CA2: variants seen among roughly 807,000 people sequenced by gnomAD.
CA2 encodes the protein carbonate dehydratase II.
In CA2, 23 loss-of-function variants were observed where a neutral mutation model predicts 27.8. The ratio of observed to expected loss-of-function variants is 0.83; its 90% CI spans 0.59 to 1.17. CA2 has a LOEUF of 1.17. Ranked by LOEUF, CA2 falls within the 50% of genes most tolerant of loss-of-function variation. CA2 has a pLI of 0.00. For synonymous variants in CA2, 99 were observed against 114.9 expected, an observed-to-expected ratio of 0.86 and a Z score of 0.88; for missense variants, 300 against 314.7, an observed-to-expected ratio of 0.95 and a Z score of 0.35.
At chr8:85,464,150 C>A in intron 1 of CA2, 35 bp downstream of exon 1, 2 of 1,245,092 alleles carry the variant, frequency 1.6e-6, no homozygotes, top group Non-Finnish European at 2.2e-6. Context: ...GGGGGCGCCC[C>A]GATCCCCGAT....
intron 2 of CA2, among the ~76,000 whole-genome samples, chr8:85,472,917 G>T (rs1230318104): frequency 6.6e-6 from 1 of 151,418 alleles, no homozygotes; most frequent in East Asian, 1.9e-4. Flanking sequence ...CTTGAACTCT[G>T]CTTGAGGCGG....
At position 85,464,167 on chromosome 8, in the gene CA2, T is replaced by G. The variant is rs2291606; in HGVS notation, c.34+52T>G. On this transcript the variant is annotated intron_variant, in intron 1 of 6. Transcript: ENST00000285379. The stretch of plus-strand genomic sequence containing the variant: ...GGGCGCCCCGATCCCCGATCCCCGA[T>G]CCCCGATCCCCGAGCCCGGATGCCG... 1.0e-4 allele frequency: 150 copies of G among 1,475,386 alleles called. No homozygotes were observed. In the East Asian group the frequency reaches 2.0e-3, roughly 20 times the overall value. 91.4% of individuals were successfully genotyped at this position (1,475,386 alleles called of 1,614,324 possible).
At chr8:85,476,564 A>C (rs1358194525) in intron 5 of CA2, among the ~76,000 whole-genome samples, 1 of 152,118 alleles carries the variant, frequency 6.6e-6, no homozygotes, top group Non-Finnish European at 1.5e-5. Context: ...TTTTTCACCT[A>C]CCCCAAACTA....
chr8:85,480,826 C>G lies in CA2; in HGVS notation c.*37C>G. The G allele has an allele frequency of 1.9e-6, 3 of 1,610,770 alleles. No individual in the cohort carries two copies. Among genetic ancestry groups the G allele is most frequent in the Non-Finnish European group, 2.5e-6 (3 of 1,177,582 alleles). ...AGTCTGTATCCAAATAATGAATCTT[C>G]GGGTGTTTCCCTTTAGCTAAGCACA... On this transcript the variant is annotated 3_prime_UTR_variant, in exon 7 of 7. Coordinates refer to ENST00000285379, the MANE Select transcript of CA2 (RefSeq NM_000067.3).
At chr8:85,475,721 G>C in intron 4 of CA2, 77 bp from the exon 5 acceptor site, 1 of 1,310,168 alleles carries the variant, frequency 7.6e-7, no homozygotes, top group Non-Finnish European at 1.1e-6. Flanking sequence ...TTTTCTAATA[G>C]AGCTACCCAA....
Position 85,473,721 on chromosome 8 carries a change from T to G in CA2, c.261T>G (p.Thr87=). ...AVLKGGPLDG[T]YRLIQFHFHW... is the part of the protein sequence containing the mutation. ...TCAAGGGAGGACCCCTGGATGGCAC[T>G]TACAGATTGATTCAGTTTCACTTTC... The change falls in exon 3 of 7, where the codon ACT becomes ACG. Residue 87 remains threonine (T), a synonymous_variant. Transcript: ENST00000285379. 1 of 1,609,904 alleles carries G rather than the reference T, an allele frequency of 6.2e-7. No individual in the cohort carries two copies. The highest frequency in any genetic ancestry group is 8.5e-7 in the Non-Finnish European group (1 of 1,176,174).
At chr8:85,477,474 G>A (rs576446510) in intron 6 of CA2, among the ~76,000 whole-genome samples, 199 bp downstream of exon 6, 9 of 151,152 alleles carry the variant, frequency 6.0e-5, no homozygotes, top group African/African-American at 1.5e-4. Flanking sequence ...AACTTAGTTC[G>A]TTTAGTCTCT....
chr8:85,471,197 C>A (rs533231940), intron 2 of CA2, among the ~76,000 whole-genome samples: 19 of 152,166 alleles, frequency 1.2e-4, no homozygotes, highest in African/African-American at 4.6e-4. Flanking sequence ...AAACTCCATG[C>A]TAAGAGTTTG....
chr8:85,481,442 C>T lies in CA2; in HGVS notation c.*653C>T, dbSNP rs1188479406. ...TTTCCATTCAGACAATATATCATAA[C>T]TTAATAAATATTGTATTTTAGATAT... is the stretch of plus-strand genomic sequence containing the variant. On this transcript the variant is annotated 3_prime_UTR_variant, in exon 7 of 7. Coordinates refer to ENST00000285379, the MANE Select transcript of CA2 (RefSeq NM_000067.3). The T allele has an allele frequency of 2.6e-5, 4 of 152,112 alleles. No individual in the cohort carries two copies. Among genetic ancestry groups the T allele is most frequent in the African/African-American group, 9.7e-5 (4 of 41,384 alleles). 9.4% of individuals were successfully genotyped at this position (152,112 alleles called of 1,614,324 possible).
At chr8:85,470,701 T>A (rs2130552902) in intron 2 of CA2, among the ~76,000 whole-genome samples, 1 of 152,272 alleles carries the variant, frequency 6.6e-6, no homozygotes, top group Admixed American at 6.5e-5. Flanking sequence ...TATAACATTA[T>A]ACTTAGTGCT....
At chr8:85,468,378 A>G (rs1222976521) in intron 2 of CA2, among the ~76,000 whole-genome samples, 2 of 152,248 alleles carry the variant, frequency 1.3e-5, no homozygotes, top group Non-Finnish European at 2.9e-5. Flanking sequence ...CCACATTTTC[A>G]GTTACTTTGG....
At chr8:85,465,196 G>T (rs1016260263) in intron 1 of CA2, 76 bp from the exon 2 acceptor site, 1 of 1,239,418 alleles carries the variant, frequency 8.1e-7, no homozygotes, top group East Asian at 2.3e-5. Flanking sequence ...ATTGGCTCCG[G>T]AATGATTGCT....
At chr8:85,466,127 T>TAA (rs10573662) in intron 2 of CA2, among the ~76,000 whole-genome samples, 2 of 135,624 alleles carry the variant, frequency 1.5e-5, no homozygotes, top group Non-Finnish European at 3.1e-5. Flanking sequence ...ATGCTCACTG[T>TAA]AAAAAAAAAA....
intron 6 of CA2, among the ~76,000 whole-genome samples, chr8:85,479,440 T>C (rs921398421): frequency 2.0e-5 from 3 of 152,192 alleles, no homozygotes; most frequent in Non-Finnish European, 4.4e-5. Flanking sequence ...GGAAGGTGGC[T>C]CTACGGGGGT....
Position 85,475,837 on chromosome 8 carries a change from G to A in CA2, c.484G>A (p.Val162Met), listed in dbSNP as rs368091458. Residue 162 changes from valine to methionine, a missense_variant, in exon 5 of 7, where the codon GTG (valine) becomes ATG (methionine). Transcript: ENST00000285379. Reference protein sequence around the residue: ...AKPGLQKVVDVLDSIKTKGKS... With the variant: ...AKPGLQKVVDMLDSIKTKGKS... ...ACCGGGCCTTCAGAAAGTTGTTGAT[G>A]TGCTGGATTCCATTAAAACAAAGGT... The A allele has an allele frequency of 1.1e-5, 17 of 1,613,928 alleles. No homozygotes were observed. The East Asian group carries it at 1.1e-4, about 11-fold the overall frequency.
At chr8:85,474,650 A>G in intron 4 of CA2, 1 of 535,944 alleles carries the variant, frequency 1.9e-6, no homozygotes. Flanking sequence ...TGTGAAGAAC[A>G]TAAAGAGATC....
chr8:85,465,221 T>C (rs764430850), intron 1 of CA2, 51 bp from the exon 2 acceptor site: 1 of 1,435,430 alleles, frequency 7.0e-7, no homozygotes, highest in Non-Finnish European at 9.8e-7. Context: ...TCTAGGGGTC[T>C]GGGTGTACCT....
At chr8:85,467,768 A>G (rs1811650282) in intron 2 of CA2, among the ~76,000 whole-genome samples, 1 of 152,218 alleles carries the variant, frequency 6.6e-6, no homozygotes, top group South Asian at 2.1e-4. Flanking sequence ...AGATCTAGCT[A>G]CATTTTTCAC....
intron 1 of CA2, 70 bp from the exon 2 acceptor site, chr8:85,465,202 T>C (rs1479266383): frequency 7.8e-7 from 1 of 1,278,828 alleles, no homozygotes; most frequent in Non-Finnish European, 1.1e-6. Context: ...TCCGGAATGA[T>C]TGCTCTTCTC....
Sources: gnomAD v4.1 joint callset for allele counts (sites outside exome capture counted in the v4.1 genomes callset) on GRCh38, gnomAD v4.1.1 for gene constraint, MANE v1.5 for transcripts, NCBI Gene and HGNC (gene_info 2026-07-23, HGNC 2026-07-21) for gene names.